The following FBN2 variants were observed in gnomAD, a reference collection of about 807,000 sequenced individuals.
FBN2 encodes fibrillin-2.
A neutral mutation model predicts 355.6 loss-of-function variants in FBN2; 105 were observed. That is an observed-to-expected ratio of 0.30 (90% CI 0.25 to 0.35). The LOEUF is 0.35. Ranked by LOEUF, FBN2 falls within the 10% of genes least tolerant of loss-of-function variation. The pLI is 1.00. For missense variants in FBN2, 3,280 were observed against 3,758.7 expected (o/e 0.87, Z 3.33); for synonymous variants, 1,350 against 1,301.2 (o/e 1.04, Z -0.81).
chr5:128,377,594 C>T (rs891147770), intron 13 of FBN2, among the ~76,000 whole-genome samples, 158 bp downstream of exon 13: 4 of 151,708 alleles, frequency 2.6e-5, no homozygotes, highest in Admixed American at 1.3e-4. Flanking sequence ...TGTCCTTTTG[C>T]TTTAACAGTC....
At chr5:128,468,123 A>G (rs6595827) in intron 5 of FBN2, among the ~76,000 whole-genome samples, 57,544 of 152,010 alleles carry the variant, frequency 0.38, 12,945 homozygotes, top group African/African-American at 0.64. Context: ...GCCTCAGTCA[A>G]CCACTAATCT....
intron 7 of FBN2, among the ~76,000 whole-genome samples, chr5:128,439,134 T>A (rs1054326446): frequency 3.9e-5 from 6 of 152,178 alleles, no homozygotes; most frequent in African/African-American, 9.7e-5. Flanking sequence ...TTTAATTGAA[T>A]CAGTCCACTA....
rs528804671 is a variant in FBN2, at chr5:128,505,344, C to T, written c.628+13929G>A. Among the ~76,000 whole-genome samples the T allele has an allele frequency of 1.1e-4, 16 of 152,280 alleles. No homozygotes were observed. The South Asian group carries it at 3.3e-3, about 32-fold the overall frequency. ...ACAATGATTCTGGAAGCATCCCTCA[C>T]TGTGTTTCCCTAACCACAAGTAGAA... On this transcript the variant is annotated intron_variant, in intron 5 of 64. Transcript: ENST00000262464.
Position 128,357,175 on chromosome 5 carries a change from GC to G in FBN2, c.2674+100del, listed in dbSNP as rs1322806776. ...CAACTAACATAATGTGTAATTCTTT[GC>G]TTTTTGGAATCATATTCTGTTTTTA... On this transcript the variant is annotated intron_variant, in intron 20 of 64. Transcript: ENST00000262464. 7 of 1,442,980 alleles carry G rather than the reference GC, an allele frequency of 4.9e-6. No homozygotes were observed. The African/African-American group carries it at 9.8e-5, about 20-fold the overall frequency. The allele number at this position is 1,442,980 out of a possible 1,614,324, so 89.4% of individuals were successfully genotyped here.
chr5:128,455,990 C>CAA (rs70997371), intron 6 of FBN2, among the ~76,000 whole-genome samples: 665 of 25,264 alleles, frequency 0.026, 165 homozygotes, highest in East Asian at 0.042. Flanking sequence ...GGGTTAGCAA[C>CAA]AAAAAAAAAA....
chr5:128,332,090 G>A (rs1015139466), intron 32 of FBN2, among the ~76,000 whole-genome samples: 15 of 152,136 alleles, frequency 9.9e-5, no homozygotes, highest in African/African-American at 3.6e-4. Context: ...TGATAAGTAT[G>A]AAATATTTGA....
intron 4 of FBN2, among the ~76,000 whole-genome samples, chr5:128,523,663 C>A (rs1756493378): frequency 6.6e-6 from 1 of 152,128 alleles, no homozygotes; most frequent in Non-Finnish European, 1.5e-5. Context: ...AGCCCCACCA[C>A]TCCTTACCCA....
intron 8 of FBN2, among the ~76,000 whole-genome samples, chr5:128,400,122 A>G (rs1752758770): frequency 6.6e-6 from 1 of 151,960 alleles, no homozygotes; most frequent in African/African-American, 2.4e-5. Flanking sequence ...GGGAAAATAC[A>G]TAGTAGGTAT....
intron 11 of FBN2, among the ~76,000 whole-genome samples, chr5:128,382,007 A>G (rs578053298): frequency 2.0e-5 from 3 of 152,038 alleles, no homozygotes; most frequent in Non-Finnish European, 4.4e-5. Context: ...CAAAATTATG[A>G]TGCTAACTCT....
At chr5:128,388,930 T>C (rs1341441346) in intron 11 of FBN2, among the ~76,000 whole-genome samples, 2 of 152,196 alleles carry the variant, frequency 1.3e-5, no homozygotes, top group Non-Finnish European at 2.9e-5. Context: ...TTCAAATATG[T>C]TTTCCAAGTT....
In FBN2 at chr5:128,311,188, C is replaced by T. The variant is rs545367068; in HGVS notation, c.5074+112G>A. The T allele has an allele frequency of 6.2e-6, 7 of 1,131,110 alleles. No individual in the cohort carries two copies. In the Admixed American group the frequency reaches 9.2e-5, roughly 15 times the overall value. The allele number at this position is 1,131,110 out of a possible 1,614,324, so 70.1% of individuals were successfully genotyped here. A position where few individuals can be genotyped will look rare whatever the true frequency, so the allele number is the denominator to read the frequency against. On this transcript the variant is annotated intron_variant, in intron 39 of 64. Transcript: ENST00000262464. ...ATATGAAAAAAAAAAAAGCTATGAA[C>T]CAATCTTAATTGAGCCTTTTGTAGA...
At chr5:128,526,353 A>T (rs1439698910) in intron 4 of FBN2, among the ~76,000 whole-genome samples, 1 of 152,150 alleles carries the variant, frequency 6.6e-6, no homozygotes, top group Non-Finnish European at 1.5e-5. Flanking sequence ...CATTTCAAAA[A>T]ATTAATAATA....
chr5:128,461,923 G>C (rs1754569484), intron 6 of FBN2, among the ~76,000 whole-genome samples: 1 of 152,070 alleles, frequency 6.6e-6, no homozygotes, highest in South Asian at 2.1e-4. Flanking sequence ...ATATACTCCT[G>C]TAACAAACCT....
At chr5:128,491,779 C>A (rs1180714134) in intron 5 of FBN2, among the ~76,000 whole-genome samples, 1 of 152,140 alleles carries the variant, frequency 6.6e-6, no homozygotes, top group Non-Finnish European at 1.5e-5. Context: ...AATTGAATGG[C>A]CAATCTTTGG....
chr5:128,371,589 C>T (rs903819612), intron 15 of FBN2, among the ~76,000 whole-genome samples: 2 of 145,792 alleles, frequency 1.4e-5, no homozygotes, highest in South Asian at 2.3e-4. Flanking sequence ...AGTGCAATGG[C>T]GTGGCATGAT....
intron 57 of FBN2, 140 bp downstream of exon 57, chr5:128,278,495 C>T: frequency 4.1e-6 from 3 of 732,712 alleles, no homozygotes; most frequent in Non-Finnish European, 7.0e-6. Flanking sequence ...TATGAAAACA[C>T]ACATCAAATA....
At chr5:128,517,216 G>A (rs1248663041) in intron 5 of FBN2, among the ~76,000 whole-genome samples, 2 of 152,128 alleles carry the variant, frequency 1.3e-5, no homozygotes, top group Non-Finnish European at 2.9e-5. Flanking sequence ...CCTCTGAGTT[G>A]AAACTACTCA....
chr5:128,392,179 A>G (rs746586266), intron 10 of FBN2, 24 bp from the exon 11 acceptor site: 2 of 1,602,876 alleles, frequency 1.2e-6, no homozygotes, highest in Non-Finnish European at 8.5e-7. Context: ...AAGCACAATT[A>G]TATTTAATCA....
At chr5:128,453,098 C>A (rs946296917) in intron 6 of FBN2, among the ~76,000 whole-genome samples, 3 of 152,046 alleles carry the variant, frequency 2.0e-5, no homozygotes, top group Non-Finnish European at 4.4e-5. Flanking sequence ...ATGGTTTGAT[C>A]CAGAATGAAT....
Sources: allele counts gnomAD v4.1 joint callset (sites outside exome capture counted in the v4.1 genomes callset), GRCh38; gene constraint gnomAD v4.1.1; transcripts MANE v1.5; gene names NCBI Gene and HGNC (gene_info 2026-07-23, HGNC 2026-07-21).